The following GSPT1 variants were observed in gnomAD, a reference collection of about 807,000 sequenced individuals.
GSPT1 encodes the protein G1 to S phase transition 1, also known as eukaryotic peptide chain release factor GTP-binding subunit ERF3A.
A neutral mutation model predicts 72.5 loss-of-function variants in GSPT1; 20 were observed. The observed-to-expected ratio is 0.28, with a 90% CI of 0.19 to 0.40. The LOEUF (loss-of-function observed/expected upper bound fraction) is 0.40, where lower values mean the gene tolerates loss of function less well. Among genes scored for constraint, GSPT1 ranks in the 10% least tolerant of loss-of-function variants. GSPT1 has a pLI of 1.00. For missense variants in GSPT1, 580 were observed against 811.9 expected (o/e 0.71, Z 3.47); for synonymous variants, 334 against 293.5 (o/e 1.14, Z -1.41).
chr16:11,884,970 A>G (rs1482438955), intron 10 of GSPT1, among the ~76,000 whole-genome samples: 1 of 151,944 alleles, frequency 6.6e-6, no homozygotes, highest in Non-Finnish European at 1.5e-5. Context: ...CAGGAGGCTG[A>G]GGCAGGAGAA....
intron 1 of GSPT1, among the ~76,000 whole-genome samples, chr16:11,909,174 T>C (rs1017407052): frequency 4.0e-5 from 6 of 151,804 alleles, no homozygotes; most frequent in Non-Finnish European, 8.8e-5. Flanking sequence ...TTAGGTCAGG[T>C]GCTCGGGAAA....
chr16:11,915,682 G>A lies in GSPT1; in HGVS notation c.39C>T (p.Gly13=). 1.5e-6 allele frequency: 2 copies of A among 1,317,476 alleles called. No homozygotes were observed. The highest frequency in any genetic ancestry group is 2.6e-5 in the Admixed American group (1 of 38,392). 81.6% of individuals were successfully genotyped at this position (1,317,476 alleles called of 1,614,324 possible). A position where few individuals can be genotyped will look rare whatever the true frequency, so the allele number is the denominator to read the frequency against. Residue 13 remains glycine (G), a synonymous_variant, in exon 1 of 15, where the codon GGC becomes GGT. Coordinates refer to ENST00000434724, the MANE Select transcript of GSPT1 (RefSeq NM_002094.4). ...TGCTGCCGCTGCTGCTCCCGCCGCC[G>A]CCGCCGCCGCCGCCGCCGCCGCCAC... ...PGSGGGGGGG[G]GGGSSSGSSS...
At chr16:11,894,921 A>C in intron 5 of GSPT1, 33 bp downstream of exon 5, 1 of 1,389,224 alleles carries the variant, frequency 7.2e-7, no homozygotes, top group Non-Finnish European at 1.0e-6. Context: ...ACATCAATTT[A>C]ACTCTGTTAT....
In GSPT1 at chr16:11,869,237, CAACT is replaced by C. The variant is rs774268307; in HGVS notation, c.*3878_*3881del. The C allele has an allele frequency of 4.1e-4, 63 of 152,282 alleles. No homozygotes were observed. Among genetic ancestry groups the C allele is most frequent in the African/African-American group, 1.4e-3 (59 of 41,558 alleles). The allele number at this position is 152,282 out of a possible 1,614,324, so 9.4% of individuals were successfully genotyped here. ...CATTTACTATGAAACCTAATCTAAC[CAACT>C]GACTGCTAAATGTAAAGCTAGTTAA... On this transcript the variant is annotated 3_prime_UTR_variant, in exon 15 of 15. Transcript: ENST00000434724.
rs765878921 is a variant in GSPT1, at chr16:11,869,295, C to T, written c.*3824G>A. Reference sequence around the variant, plus strand: ...TTTTGTGCATGTGCAATTACACTTACTTAACAAGATGCTGCCATGGCGAGA... The same window carrying T: ...TTTTGTGCATGTGCAATTACACTTATTTAACAAGATGCTGCCATGGCGAGA... On this transcript the variant is annotated 3_prime_UTR_variant, in exon 15 of 15. Coordinates refer to ENST00000434724, the MANE Select transcript of GSPT1 (RefSeq NM_002094.4). 6.6e-6 allele frequency: 1 copy of T among 152,200 alleles called. No individual in the cohort carries two copies. Among genetic ancestry groups the T allele is most frequent in the Admixed American group, 6.5e-5 (1 of 15,284 alleles). 9.4% of individuals were successfully genotyped at this position (152,200 alleles called of 1,614,324 possible).
intron 6 of GSPT1, 116 bp downstream of exon 6, chr16:11,890,946 T>C (rs2054250961): frequency 3.3e-6 from 2 of 608,052 alleles, no homozygotes; most frequent in Non-Finnish European, 5.8e-6. Flanking sequence ...GGAAATTTCC[T>C]TTGTTGTGAT....
At chr16:11,888,923 G>T (rs906097765) in intron 6 of GSPT1, among the ~76,000 whole-genome samples, 5 of 152,152 alleles carry the variant, frequency 3.3e-5, no homozygotes, top group African/African-American at 1.2e-4. Context: ...TGTGTTAAGT[G>T]ATAATGAGCT....
intron 1 of GSPT1, among the ~76,000 whole-genome samples, chr16:11,912,530 T>C (rs2054573567): frequency 6.6e-6 from 1 of 152,192 alleles, no homozygotes; most frequent in South Asian, 2.1e-4. Context: ...TATTCCATGC[T>C]TGTTTCTTAA....
intron 1 of GSPT1, among the ~76,000 whole-genome samples, chr16:11,914,685 T>A (rs1200281680): frequency 6.6e-6 from 1 of 152,180 alleles, no homozygotes; most frequent in Non-Finnish European, 1.5e-5. Context: ...CAAATCAATA[T>A]AGTCTCCTAT....
rs1182606922 is a variant in GSPT1 at position 11,872,522 on chromosome 16, G to A, written c.*597C>T. 1 of 152,144 alleles carries A rather than the reference G, an allele frequency of 6.6e-6. No homozygotes were observed. Among genetic ancestry groups the A allele is most frequent in the Non-Finnish European group, 1.5e-5 (1 of 68,052 alleles). The allele number at this position is 152,144 out of a possible 1,614,324, so 9.4% of individuals were successfully genotyped here. On this transcript the variant is annotated 3_prime_UTR_variant, in exon 15 of 15. Coordinates refer to ENST00000434724, the MANE Select transcript of GSPT1 (RefSeq NM_002094.4). ...CCTTTCCTTTAATACAAACTTGAAC[G>A]CTGTGAATGTCTCATTTATAGTGGG...
chr16:11,895,399 C>T (rs1596468349), intron 4 of GSPT1: 1 of 148,982 alleles, frequency 6.7e-6, no homozygotes, highest in Non-Finnish European at 1.5e-5. Context: ...CCATTGCACT[C>T]CAGCCTGGGC....
chr16:11,894,155 C>CA lies in GSPT1; in HGVS notation c.698+798dup, dbSNP rs57226427. ...TTGGTGACAGAATGAGACCCTATCTCAAAAAAAAAAAAAAAAAAAAAAAAA... is the reference window on the plus strand; with the variant it reads ...TTGGTGACAGAATGAGACCCTATCTCAAAAAAAAAAAAAAAAAAAAAAAAAA... On this transcript the variant is annotated intron_variant, in intron 5 of 14. Coordinates refer to ENST00000434724, the MANE Select transcript of GSPT1 (RefSeq NM_002094.4). Among the ~76,000 whole-genome samples, 47 of 42,674 alleles carry CA rather than the reference C, an allele frequency of 1.1e-3. 3 individuals are homozygous for CA. Among genetic ancestry groups the CA allele is most frequent in the African/African-American group, 2.5e-3 (28 of 11,334 alleles). 28.0% of individuals were successfully genotyped at this position (42,674 alleles called of 152,430 possible).
intron 5 of GSPT1, among the ~76,000 whole-genome samples, chr16:11,892,910 C>G (rs540931129): frequency 2.0e-5 from 3 of 149,034 alleles, no homozygotes; most frequent in Non-Finnish European, 4.4e-5. Flanking sequence ...CAGATGACAC[C>G]TTAACCAAGT....
At chr16:11,891,275 AT>A in intron 5 of GSPT1, 136 bp from the exon 6 acceptor site, 1 of 269,102 alleles carries the variant, frequency 3.7e-6, no homozygotes, top group Admixed American at 5.2e-5. Context: ...GTCTAAAAAA[AT>A]ATAAAATATA....
In GSPT1 at chr16:11,915,463, C is replaced by T. The variant is rs1443113288; in HGVS notation, c.258G>A (p.Val86=). 1.3e-6 allele frequency: 2 copies of T among 1,548,294 alleles called. No individual in the cohort carries two copies. The highest frequency in any genetic ancestry group is 1.7e-6 in the Non-Finnish European group (2 of 1,149,688). ...FVPNVHAAEF[V]PSFLRGPAAP... ...CTGCCGGGCCCCGCAGGAAGGACGG[C>T]ACGAACTCGGCGGCGTGGACGTTGG... Residue 86 remains valine (V), a synonymous_variant, in exon 1 of 15, where the codon GTG becomes GTA. Coordinates refer to ENST00000434724, the MANE Select transcript of GSPT1 (RefSeq NM_002094.4).
Position 11,915,619 on chromosome 16 carries a change from C to A in GSPT1, c.102G>T (p.Ala34=). 6.7e-7 allele frequency: 1 copy of A among 1,493,566 alleles called. No individual in the cohort carries two copies. The allele number at this position is 1,493,566 out of a possible 1,614,324, so 92.5% of individuals were successfully genotyped here. The change falls in exon 1 of 15, where the codon GCG becomes GCT. Residue 34 remains alanine (A), a synonymous_variant. Coordinates refer to ENST00000434724, the MANE Select transcript of GSPT1 (RefSeq NM_002094.4). ...SDSAPDCWDQ[A]DMEAPGPGPC... ...GGCCCGGCCCGGGGGCTTCCATGTC[C>A]GCCTGGTCCCAGCAGTCAGGCGCCG...
chr16:11,870,525 A>C lies in GSPT1; in HGVS notation c.*2594T>G, dbSNP rs934221899. 2 of 152,222 alleles carry C rather than the reference A, an allele frequency of 1.3e-5. No homozygotes were observed. Among genetic ancestry groups the C allele is most frequent in the Admixed American group, 6.5e-5 (1 of 15,284 alleles). The allele number at this position is 152,222 out of a possible 1,614,324, so 9.4% of individuals were successfully genotyped here. A position where few individuals can be genotyped will look rare whatever the true frequency, so the allele number is the denominator to read the frequency against. On this transcript the variant is annotated 3_prime_UTR_variant, in exon 15 of 15. Coordinates refer to ENST00000434724, the MANE Select transcript of GSPT1 (RefSeq NM_002094.4). ...CTATTTTTGCACTGTTGACCATATA[A>C]GCACGTTTGCATTTGCAGAAAACAG...
rs1303183021 is a variant in GSPT1 at position 11,896,541 on chromosome 16, C to T, written c.664+17G>A. ...TTTATGTATCCAGTAACTTTAATTG[C>T]TATGAGAGCAGCTTACCTACGTGCC... On this transcript the variant is annotated intron_variant, in intron 4 of 14. Transcript: ENST00000434724. 2 of 1,411,124 alleles carry T rather than the reference C, an allele frequency of 1.4e-6. No homozygotes were observed. The highest frequency in any genetic ancestry group is 2.0e-6 in the Non-Finnish European group (2 of 1,010,714). The allele number at this position is 1,411,124 out of a possible 1,614,324, so 87.4% of individuals were successfully genotyped here. A position where few individuals can be genotyped will look rare whatever the true frequency, so the allele number is the denominator to read the frequency against.
At chr16:11,912,977 C>T (rs758173655) in intron 1 of GSPT1, among the ~76,000 whole-genome samples, 1 of 152,196 alleles carries the variant, frequency 6.6e-6, no homozygotes, top group African/African-American at 2.4e-5. Flanking sequence ...ACAGCTTTCC[C>T]GGCATGCAGT....
Sources: gnomAD v4.1 joint callset for allele counts (sites outside exome capture counted in the v4.1 genomes callset) on GRCh38, gnomAD v4.1.1 for gene constraint, MANE v1.5 for transcripts, NCBI Gene and HGNC (gene_info 2026-07-23, HGNC 2026-07-21) for gene names.